CCDC77: variants seen among roughly 807,000 people sequenced by gnomAD.
The protein encoded by CCDC77 is coiled-coil domain containing 77.
CCDC77 carries 56 observed loss-of-function variants against 66.8 expected under a neutral mutation model. The ratio of observed to expected loss-of-function variants is 0.84; its 90% CI spans 0.68 to 1.05. The LOEUF (loss-of-function observed/expected upper bound fraction) is 1.05. Among genes scored for constraint, CCDC77 ranks in the 50% least tolerant of loss-of-function variants. The pLI, the probability that CCDC77 is intolerant of heterozygous loss-of-function variation, is 0.00. For missense variants in CCDC77, 570 were observed against 576.8 expected (o/e 0.99, Z 0.12); for synonymous variants, 196 against 195.2 (o/e 1.00, Z -0.03).
At chr12:431,066 C>CAAAA (rs372949107) in intron 7 of CCDC77, among the ~76,000 whole-genome samples, 11 of 105,594 alleles carry the variant, frequency 1.0e-4, no homozygotes, top group African/African-American at 3.7e-4. Flanking sequence ...AGACTATCTC[C>CAAAA]AAAAAAAAAA....
chr12:392,171 GA>G (rs555166426), intron 1 of CCDC77, among the ~76,000 whole-genome samples: 2,742 of 145,888 alleles, frequency 0.019, 54 homozygotes, highest in African/African-American at 0.042. Flanking sequence ...TAACTTTTCA[GA>G]AAAAAAAAAA....
rs1398069671 is a variant in CCDC77, at chr12:416,329, CTG to C, written c.271-2162_271-2161del. On this transcript the variant is annotated intron_variant, in intron 4 of 12. Coordinates refer to ENST00000239830, the MANE Select transcript of CCDC77 (RefSeq NM_032358.4). ...TTTATGTGTGTGTGTGTGTGTGAGT[CTG>C]TGGGTGTGTGGGGGTGTGTGTGTGT... Among the ~76,000 whole-genome samples the C allele has an allele frequency of 1.9e-4, 6 of 32,208 alleles. 2 individuals are homozygous for C. The highest frequency in any genetic ancestry group is 4.5e-4 in the Non-Finnish European group (6 of 13,256). 21.1% of individuals were successfully genotyped at this position (32,208 alleles called of 152,430 possible). A position where few individuals can be genotyped will look rare whatever the true frequency, so the allele number is the denominator to read the frequency against.
Position 440,695 on chromosome 12 carries a change from C to T in CCDC77, c.1120C>T (p.Leu374Phe), listed in dbSNP as rs1945841655. Reference protein sequence around the residue: ...QEQCISLEEELARIREEEGMR... With the variant: ...QEQCISLEEEFARIREEEGMR... ...GCAGTGCATTTCCTTAGAAGAAGAA[C>T]TTGCCCGAATTCGTGAGGAAGAGGG... The change falls in exon 11 of 13, where the codon CTT becomes TTT. Residue 374 changes from leucine to phenylalanine, a missense_variant. By Grantham distance (22) the Leu-to-Phe change is conservative. Coordinates refer to ENST00000239830, the MANE Select transcript of CCDC77 (RefSeq NM_032358.4). 1.2e-6 allele frequency: 2 copies of T among 1,614,040 alleles called. No homozygotes were observed. Among genetic ancestry groups the T allele is most frequent in the Non-Finnish European group, 8.5e-7 (1 of 1,180,038 alleles).
intron 5 of CCDC77, among the ~76,000 whole-genome samples, chr12:423,697 G>A (rs993807113): frequency 6.8e-6 from 1 of 146,318 alleles, no homozygotes; most frequent in Non-Finnish European, 1.5e-5. Flanking sequence ...GGGTTTCCCC[G>A]TTTTGCCCAG....
intron 2 of CCDC77, among the ~76,000 whole-genome samples, chr12:409,141 G>A (rs1255771171): frequency 6.7e-6 from 1 of 149,902 alleles, no homozygotes; most frequent in African/African-American, 2.5e-5. Flanking sequence ...GAAGGCAGAG[G>A]TTGCAGTGAG....
intron 1 of CCDC77, among the ~76,000 whole-genome samples, chr12:403,768 A>C (rs899638686): frequency 6.6e-6 from 1 of 152,212 alleles, no homozygotes; most frequent in African/African-American, 2.4e-5. Flanking sequence ...CTGGCATTAC[A>C]GGCATGAGCC....
At chr12:407,504 G>A (rs183337420) in intron 2 of CCDC77, among the ~76,000 whole-genome samples, 2 of 152,230 alleles carry the variant, frequency 1.3e-5, no homozygotes, top group East Asian at 3.9e-4. Context: ...AGAGTGGAGG[G>A]CAGAGTAAGG....
At chr12:413,471 C>T (rs922145367) in intron 4 of CCDC77, among the ~76,000 whole-genome samples, 4 of 151,936 alleles carry the variant, frequency 2.6e-5, no homozygotes, top group African/African-American at 9.7e-5. Context: ...GATCGCCTGA[C>T]CTCGTGATCC....
At chr12:400,519 C>A (rs532314675), upstream of CCDC77, among the ~76,000 whole-genome samples, 8 of 152,146 alleles carry the variant, frequency 5.3e-5, no homozygotes, top group African/African-American at 1.9e-4. Flanking sequence ...TCACTTGAAC[C>A]CCCACTGTAG....
chr12:425,817 G>A (rs1249015458), intron 5 of CCDC77, among the ~76,000 whole-genome samples: 1 of 152,066 alleles, frequency 6.6e-6, no homozygotes, highest in Non-Finnish European at 1.5e-5. Context: ...TGAGCTACTG[G>A]CCATCTGTGG....
chr12:423,112 G>C (rs1201999240), intron 5 of CCDC77, among the ~76,000 whole-genome samples: 1 of 69,086 alleles, frequency 1.4e-5, no homozygotes, highest in Non-Finnish European at 3.7e-5. Context: ...TTTCTTTTAA[G>C]CCTTTTTTTT....
chr12:396,429 A>G (rs1541462), intron 1 of CCDC77, among the ~76,000 whole-genome samples: 104,675 of 152,072 alleles, frequency 0.69, 36,433 homozygotes, highest in Admixed American at 0.78. Flanking sequence ...AGGAAGAAAA[A>G]CAACTGTTTA....
chr12:412,038 C>T (rs2137550530), intron 4 of CCDC77, 60 bp downstream of exon 4: 1 of 1,191,276 alleles, frequency 8.4e-7, no homozygotes, highest in South Asian at 1.3e-5. Flanking sequence ...TTAGAGATGC[C>T]CTACAAGTGC....
At chr12:405,421 G>A (rs375771281) in intron 1 of CCDC77, 90 bp from the exon 2 acceptor site, 3 of 152,140 alleles carry the variant, frequency 2.0e-5, no homozygotes, top group African/African-American at 7.2e-5. Context: ...GAGTTTAATG[G>A]TGTACACAAA....
At chr12:391,949 G>A (rs1037141650) in intron 1 of CCDC77, among the ~76,000 whole-genome samples, 1 of 152,124 alleles carries the variant, frequency 6.6e-6, no homozygotes, top group Admixed American at 6.6e-5. Context: ...TTCCCTCAGG[G>A]GGGGCACATG....
At chr12:430,806 C>T (rs1319906474) in intron 7 of CCDC77, 70 bp downstream of exon 7, 35 of 1,241,056 alleles carry the variant, frequency 2.8e-5, no homozygotes, top group South Asian at 3.6e-5. Context: ...AGGCTGGGCG[C>T]GGTGGCTCAC....
At chr12:433,566 G>C (rs867075341) in intron 9 of CCDC77, 21 of 966,420 alleles carry the variant, frequency 2.2e-5, no homozygotes, top group Middle Eastern at 4.0e-4. Context: ...GCTTGCTTCT[G>C]GTGGCTAAGA....
intron 9 of CCDC77, chr12:433,542 AT>A: frequency 8.4e-7 from 1 of 1,186,296 alleles, no homozygotes; most frequent in Non-Finnish European, 1.1e-6. Flanking sequence ...CTTTTAATCC[AT>A]TTTGGTGTTT....
At chr12:436,968 A>G (rs997017696) in intron 9 of CCDC77, 3 of 154,364 alleles carry the variant, frequency 1.9e-5, no homozygotes, top group African/African-American at 4.8e-5. Flanking sequence ...ATCTCTCTCT[A>G]CATACACATG....
Sources: allele counts gnomAD v4.1 joint callset (sites outside exome capture counted in the v4.1 genomes callset), GRCh38; gene constraint gnomAD v4.1.1; transcripts MANE v1.5; gene names NCBI Gene and HGNC (gene_info 2026-07-23, HGNC 2026-07-21).